The following ATP13A2 variants were observed in gnomAD, a reference collection of about 807,000 sequenced individuals.
The protein encoded by ATP13A2 is polyamine-transporting ATPase 13A2.
Under a neutral mutation model 138.3 loss-of-function variants are expected in ATP13A2, and 83 were observed. The ratio of observed to expected loss-of-function variants is 0.60; its 90% CI spans 0.50 to 0.72. The LOEUF (loss-of-function observed/expected upper bound fraction) is 0.72, where lower values mean the gene tolerates loss of function less well. ATP13A2 is among the 30% of genes least tolerant of loss of function. The pLI, the probability that ATP13A2 is intolerant of heterozygous loss-of-function variation, is 0.00. For missense variants in ATP13A2, 1,402 were observed against 1,606.4 expected, an observed-to-expected ratio of 0.87 and a Z score of 2.17; for synonymous variants, 663 against 699.0, an observed-to-expected ratio of 0.95 and a Z score of 0.81.
chr1:16,996,193 C>T (rs773115711), intron 14 of ATP13A2, 29 bp from the exon 15 acceptor site: 1 of 1,614,172 alleles, frequency 6.2e-7, no homozygotes, highest in Non-Finnish European at 8.5e-7. Flanking sequence ...AATGTGAGCA[C>T]CTGGCTGGTT....
chr1:17,005,509 G>A lies in ATP13A2; in HGVS notation c.153C>T (p.His51=), dbSNP rs759666274. 1.3e-5 allele frequency: 21 copies of A among 1,614,138 alleles called. No homozygotes were observed. The highest frequency in any genetic ancestry group is 1.6e-4 in the Middle Eastern group (1 of 6,084). The change falls in exon 3 of 29, where the codon CAC becomes CAT. Residue 51 remains histidine, a synonymous_variant. Transcript: ENST00000326735. ...CGSPWRVIGY[H]VVVWMMAGIP... is the part of the protein sequence containing the mutation. ...TCCCAGCCATCATCCAGACCACGACGTGATAGCCGATGACCCTCCATGGAC... is the reference window on the plus strand; with the variant it reads ...TCCCAGCCATCATCCAGACCACGACATGATAGCCGATGACCCTCCATGGAC...
chr1:17,008,068 T>C (rs1489690089), intron 1 of ATP13A2, among the ~76,000 whole-genome samples: 1 of 147,826 alleles, frequency 6.8e-6, no homozygotes, highest in East Asian at 2.1e-4. Context: ...ATTTATTTAC[T>C]TATCACTCTT....
intron 16 of ATP13A2, among the ~76,000 whole-genome samples, chr1:16,993,102 A>G (rs576047516): frequency 2.6e-5 from 4 of 152,354 alleles, no homozygotes; most frequent in South Asian, 4.1e-4. Flanking sequence ...TTTTTATTAC[A>G]GACGGGGTTT....
rs185005686 is a variant in ATP13A2 at position 17,010,096 on chromosome 1, C to T, written c.10+1633G>A. Among the ~76,000 whole-genome samples the T allele has an allele frequency of 8.8e-5, 13 of 147,168 alleles. No individual in the cohort carries two copies. In the East Asian group the frequency reaches 2.4e-3, roughly 28 times the overall value. On this transcript the variant is annotated intron_variant, in intron 1 of 28. Transcript: ENST00000326735. Reference sequence around the variant, plus strand: ...GAGATGGAGTCTTCCCCCCCCGTTCCCCCCTTCCCCCCTGCCCGTCTCCCA... The same window carrying T: ...GAGATGGAGTCTTCCCCCCCCGTTCTCCCCTTCCCCCCTGCCCGTCTCCCA...
rs116456892 is a variant in ATP13A2 at position 16,986,784 on chromosome 1, C to T, written c.3235+21G>A. The T allele has an allele frequency of 2.7e-4, 427 of 1,608,238 alleles. 1 individual carries two copies. In the African/African-American group the frequency reaches 4.9e-3, roughly 18 times the overall value. On this transcript the variant is annotated intron_variant, in intron 27 of 28. Coordinates refer to ENST00000326735, the MANE Select transcript of ATP13A2 (RefSeq NM_022089.4). The surrounding 1 kb of genome is among the most constrained non-coding windows in gnomAD (Gnocchi z 6.9). ...CCTCCCTCCCTCCGCCAGCATCTCCCGCCCGCGCCCGCAGTGGCACCATTG... is the reference window on the plus strand; with the variant it reads ...CCTCCCTCCCTCCGCCAGCATCTCCTGCCCGCGCCCGCAGTGGCACCATTG...
rs148564294 is a variant in ATP13A2 at position 17,005,729 on chromosome 1, C to G, written c.60G>C (p.Thr20=). 3.1e-6 allele frequency: 5 copies of G among 1,613,464 alleles called. No homozygotes were observed. The highest frequency in any genetic ancestry group is 4.2e-6 in the Non-Finnish European group (5 of 1,179,810). The change falls in exon 2 of 29, where the codon ACG becomes ACC. Residue 20 remains threonine, a synonymous_variant. Coordinates refer to ENST00000326735, the MANE Select transcript of ATP13A2 (RefSeq NM_022089.4). ...TGAGGGGATCTATTGATGTCCCTATCGTCAGGGTCCCATAACCGGTGGGCG... is the reference window on the plus strand; with the variant it reads ...TGAGGGGATCTATTGATGTCCCTATGGTCAGGGTCCCATAACCGGTGGGCG... The part of the protein sequence containing the change: ...GSTPTGYGTL[T]IGTSIDPLSS...
At chr1:17,000,194 G>GCCC in intron 10 of ATP13A2, 52 bp from the exon 11 acceptor site, 1 of 1,570,232 alleles carries the variant, frequency 6.4e-7, no homozygotes, top group South Asian at 1.1e-5. Context: ...CCCCAGCCAT[G>GCCC]CCCCCCCACC....
intron 1 of ATP13A2, among the ~76,000 whole-genome samples, chr1:17,007,366 C>A (rs1165187244): frequency 2.0e-5 from 3 of 152,032 alleles, no homozygotes; most frequent in Non-Finnish European, 4.4e-5. Flanking sequence ...GATGCCAGGG[C>A]CCTCCCCAGA....
Position 17,004,304 on chromosome 1 carries a change from CA to C in ATP13A2, c.557+27del, listed in dbSNP as rs2077469710. On this transcript the variant is annotated intron_variant, in intron 6 of 28. Transcript: ENST00000326735. The surrounding 1 kb of genome is among the most constrained non-coding windows in gnomAD (Gnocchi z 4.1). ...AAACCAGTGCCACTCTGGGAGGTGA[CA>C]TGAGCCACACAGGCCCTGACTCCTA... 1 of 1,609,492 alleles carries C rather than the reference CA, an allele frequency of 6.2e-7. No individual in the cohort carries two copies. The highest frequency in any genetic ancestry group is 1.3e-5 in the African/African-American group (1 of 74,932).
At chr1:17,005,886 G>A (rs1434397859) in intron 1 of ATP13A2, 108 bp from the exon 2 acceptor site, 1 of 1,087,372 alleles carries the variant, frequency 9.2e-7, no homozygotes, top group East Asian at 2.6e-5. Context: ...TGTAATCCCA[G>A]CACTTTGGGA....
At position 16,986,304 on chromosome 1, in the gene ATP13A2, C is replaced by G. The variant is rs913197059; in HGVS notation, c.3460G>C (p.Ala1154Pro). ...ACLRRLRPKR[A>P]SKKRFKQLER... Reference sequence around the variant, plus strand: ...AGCTGCTTGAAGCGCTTCTTGGAGGCCCGCTTGGGCCGGAGGCGGCGCAGG... The same window carrying G: ...AGCTGCTTGAAGCGCTTCTTGGAGGGCCGCTTGGGCCGGAGGCGGCGCAGG... The change falls in exon 29 of 29, where the codon GCC (alanine) becomes CCC (proline). Residue 1154 changes from alanine to proline, a missense_variant. Ala to Pro is a conservative substitution (Grantham distance 27). Transcript: ENST00000326735. The surrounding 1 kb of genome is among the most constrained non-coding windows in gnomAD (Gnocchi z 6.9). 2.5e-6 allele frequency: 4 copies of G among 1,594,578 alleles called. No individual in the cohort carries two copies. The South Asian group carries it at 4.5e-5, about 18-fold the overall frequency.
In ATP13A2 at chr1:16,986,468, G is replaced by A. The variant is rs369705373; in HGVS notation, c.3400C>T (p.Leu1134=). The A allele has an allele frequency of 7.4e-6, 12 of 1,612,052 alleles. No individual in the cohort carries two copies. In the African/African-American group the frequency reaches 1.5e-4, roughly 20 times the overall value. ...AGACCCAGGGCGGGCCCCACCTCCA[G>A]CATGAAGGCCCCCACGAAGTTGAGG... is the stretch of plus-strand genomic sequence containing the variant. ...VTLNFVGAFM[L]ESVLDQCLPA... Residue 1134 remains leucine (L), a synonymous_variant, in exon 28 of 29, where the codon CTG becomes TTG. Transcript: ENST00000326735. This position sits in a 1 kb window ranked among gnomAD's most constrained non-coding sequence, Gnocchi z 6.9.
chr1:16,990,584 C>A (rs904668100), intron 20 of ATP13A2, among the ~76,000 whole-genome samples: 1 of 152,032 alleles, frequency 6.6e-6, no homozygotes, highest in African/African-American at 2.4e-5. Context: ...GTGGCTTGAT[C>A]TCGGCTCACT....
Position 17,005,774 on chromosome 1 carries a change from G to A in ATP13A2, c.15C>T (p.Ser5=), listed in dbSNP as rs2077535909. The A allele has an allele frequency of 6.2e-7, 1 of 1,609,540 alleles. No individual in the cohort carries two copies. Residue 5 remains serine (S), a synonymous_variant, in exon 2 of 29, where the codon AGC becomes AGT. Coordinates refer to ENST00000326735, the MANE Select transcript of ATP13A2 (RefSeq NM_022089.4). MSAD[S]SPLVGSTPTG... is the part of the protein sequence containing the mutation. Reference sequence around the variant, plus strand: ...TGGGCGTGCTGCCCACGAGAGGGCTGCTGTCTGTGGACAGAAAAGAGAAAG... The same window carrying A: ...TGGGCGTGCTGCCCACGAGAGGGCTACTGTCTGTGGACAGAAAAGAGAAAG...
At chr1:16,988,872 G>T (rs2076826232) in intron 23 of ATP13A2, among the ~76,000 whole-genome samples, 1 of 151,938 alleles carries the variant, frequency 6.6e-6, no homozygotes, top group African/African-American at 2.4e-5. Context: ...GATCTCAGGT[G>T]ATCCACCCGC....
chr1:16,994,132 C>A (rs1332018288), intron 15 of ATP13A2, among the ~76,000 whole-genome samples: 3 of 152,182 alleles, frequency 2.0e-5, no homozygotes, highest in Non-Finnish European at 4.4e-5. Context: ...ATGGCCTCTT[C>A]ACTTCCCCAC....
intron 1 of ATP13A2, among the ~76,000 whole-genome samples, chr1:17,008,673 G>A (rs778664228): frequency 1.8e-4 from 28 of 152,232 alleles, no homozygotes; most frequent in African/African-American, 6.0e-4. Context: ...CAGGCCGGCC[G>A]TGCGCAGTGG....
chr1:17,010,073 G>C (rs1210235401), intron 1 of ATP13A2, among the ~76,000 whole-genome samples: 2 of 151,878 alleles, frequency 1.3e-5, no homozygotes, highest in Non-Finnish European at 2.9e-5. Context: ...TTTTTTTTGA[G>C]ATGGAGTCTT....
intron 6 of ATP13A2, among the ~76,000 whole-genome samples, chr1:17,002,836 AT>A (rs1352756445): frequency 6.6e-6 from 1 of 151,940 alleles, no homozygotes; most frequent in Non-Finnish European, 1.5e-5. Context: ...TGCACGGGTG[AT>A]TTTTGCTATT....
Sources: allele counts gnomAD v4.1 joint callset (sites outside exome capture counted in the v4.1 genomes callset), GRCh38; gene constraint gnomAD v4.1.1; non-coding constraint Gnocchi (gnomAD v3.1); transcripts MANE v1.5; gene names NCBI Gene and HGNC (gene_info 2026-07-23, HGNC 2026-07-21).